The following SCRG1 variants were observed in gnomAD, a reference collection of about 807,000 sequenced individuals.
SCRG1 encodes scrapie-responsive protein 1.
SCRG1 carries 3 observed loss-of-function variants against 7.7 expected under a neutral mutation model. The observed-to-expected ratio is 0.39, with a 90% CI of 0.18 to 1.01. The LOEUF (loss-of-function observed/expected upper bound fraction) is 1.01, where lower values mean the gene tolerates loss of function less well. Among genes scored for constraint, SCRG1 ranks in the 50% least tolerant of loss-of-function variants. The pLI, the probability that SCRG1 is intolerant of heterozygous loss-of-function variation, is 0.36. For synonymous variants in SCRG1, 46 were observed against 41.2 expected (o/e 1.12, Z -0.44); for missense variants, 110 against 117.2 (o/e 0.94, Z 0.28).
At chr4:173,416,550 G>A in the SCRG1 span, among the ~76,000 whole-genome samples, 1 of 152,260 alleles carries the variant, frequency 6.6e-6, no homozygotes, top group Non-Finnish European at 1.5e-5. Context: ...CCCAGGAGTT[G>A]CAGGCTGCAG....
the SCRG1 span, among the ~76,000 whole-genome samples, chr4:173,515,948 G>A: frequency 6.6e-6 from 1 of 152,108 alleles, no homozygotes; most frequent in Non-Finnish European, 1.5e-5. This position sits in a 1 kb window ranked among gnomAD's most constrained non-coding sequence, Gnocchi z 4.6. Context: ...GTTGTTTGGC[G>A]ACTTTCATTT....
the SCRG1 span, among the ~76,000 whole-genome samples, chr4:173,479,385 T>C: frequency 2.6e-5 from 4 of 152,014 alleles, no homozygotes; most frequent in Non-Finnish European, 1.5e-5. Context: ...AAAAACTGAG[T>C]ATAATTCCTT....
At chr4:173,493,510 T>C in the SCRG1 span, among the ~76,000 whole-genome samples, 1 of 151,220 alleles carries the variant, frequency 6.6e-6, no homozygotes, top group Middle Eastern at 3.2e-3. Context: ...CCCAGCTACT[T>C]GGGAGGCTGA....
the SCRG1 span, among the ~76,000 whole-genome samples, chr4:173,496,295 A>G: frequency 6.6e-6 from 1 of 151,860 alleles, no homozygotes. Flanking sequence ...AAAACTCAAT[A>G]TTTGTCATGC....
chr4:173,491,232 T>TTA, the SCRG1 span, among the ~76,000 whole-genome samples: 1 of 150,716 alleles, frequency 6.6e-6, no homozygotes. Flanking sequence ...TTTTTTTTTT[T>TTA]AACAGTTTTA....
chr4:173,453,731 G>A, the SCRG1 span, among the ~76,000 whole-genome samples: 13 of 152,118 alleles, frequency 8.5e-5, no homozygotes, highest in East Asian at 5.8e-4. Context: ...TGTATGCCAC[G>A]TGCTACACAA....
chr4:173,453,737 C>T, the SCRG1 span, among the ~76,000 whole-genome samples: 1 of 152,184 alleles, frequency 6.6e-6, no homozygotes. Flanking sequence ...CCACGTGCTA[C>T]ACAAGTACCA....
At chr4:173,481,867 G>T in the SCRG1 span, among the ~76,000 whole-genome samples, 1 of 152,166 alleles carries the variant, frequency 6.6e-6, no homozygotes. Flanking sequence ...TCAACAGTAG[G>T]CTATTAGTAA....
At chr4:173,452,221 G>A in the SCRG1 span, among the ~76,000 whole-genome samples, 8 of 137,946 alleles carry the variant, frequency 5.8e-5, no homozygotes, top group Admixed American at 6.3e-4. Flanking sequence ...GAGTGACAGA[G>A]TGAGACTTCA....
At chr4:173,414,406 G>C in the SCRG1 span, among the ~76,000 whole-genome samples, 1 of 152,196 alleles carries the variant, frequency 6.6e-6, no homozygotes, top group Non-Finnish European at 1.5e-5. Context: ...CTCACACTCT[G>C]TGAGCATCTA....
At chr4:173,395,840 TATG>T (rs1441180477) in intron 1 of SCRG1, among the ~76,000 whole-genome samples, 1 of 152,202 alleles carries the variant, frequency 6.6e-6, no homozygotes, top group East Asian at 1.9e-4. Flanking sequence ...AATTGGTTAT[TATG>T]TGAATTTACC....
At chr4:173,479,308 G>T in the SCRG1 span, among the ~76,000 whole-genome samples, 2 of 152,028 alleles carry the variant, frequency 1.3e-5, no homozygotes, top group Non-Finnish European at 2.9e-5. Context: ...TTACGTAAAG[G>T]TTTATTGTAG....
chr4:173,495,568 T>C, the SCRG1 span, among the ~76,000 whole-genome samples: 11,138 of 152,316 alleles, frequency 0.073, 548 homozygotes, highest in Non-Finnish European at 0.098. Context: ...TTCATGTACA[T>C]TGCTACTCTG....
the SCRG1 span, among the ~76,000 whole-genome samples, chr4:173,442,750 G>C: frequency 6.6e-6 from 1 of 152,090 alleles, no homozygotes; most frequent in Non-Finnish European, 1.5e-5. Flanking sequence ...ATCGTGGAAG[G>C]GCAAGTGAGG....
the SCRG1 span, among the ~76,000 whole-genome samples, chr4:173,459,755 G>C: frequency 3.1e-4 from 47 of 152,348 alleles, no homozygotes; most frequent in South Asian, 9.5e-3. Context: ...GGCTGGGAAG[G>C]GGGTTAGGAG....
the SCRG1 span, among the ~76,000 whole-genome samples, chr4:173,432,022 G>T: frequency 2.6e-5 from 4 of 152,296 alleles, no homozygotes; most frequent in East Asian, 3.9e-4. Context: ...GGAATCACTT[G>T]TCTTCACGGA....
the SCRG1 span, among the ~76,000 whole-genome samples, chr4:173,457,900 T>C: frequency 6.6e-6 from 1 of 151,952 alleles, no homozygotes; most frequent in Admixed American, 6.6e-5. Context: ...CCTGAAGGAG[T>C]CATACTGTTT....
At chr4:173,449,547 C>T in the SCRG1 span, among the ~76,000 whole-genome samples, 4 of 150,566 alleles carry the variant, frequency 2.7e-5, no homozygotes, top group Non-Finnish European at 5.9e-5. Context: ...CTGGCACTGG[C>T]CTCTTGGCTC....
the SCRG1 span, among the ~76,000 whole-genome samples, chr4:173,457,363 A>T: frequency 6.6e-6 from 1 of 152,228 alleles, no homozygotes; most frequent in South Asian, 2.1e-4. Context: ...AAGGAAAAAG[A>T]GGATATTCTC....
Sources: allele counts gnomAD v4.1 joint callset (sites outside exome capture counted in the v4.1 genomes callset), GRCh38; gene constraint gnomAD v4.1.1; non-coding constraint Gnocchi (gnomAD v3.1); transcripts MANE v1.5; gene names NCBI Gene and HGNC (gene_info 2026-07-23, HGNC 2026-07-21).